TSHZ2: variants seen among roughly 807,000 people sequenced by gnomAD.
The protein encoded by TSHZ2 is teashirt homolog 2.
A neutral mutation model predicts 74.4 loss-of-function variants in TSHZ2; 21 were observed. The observed-to-expected ratio is 0.28, with a 90% CI of 0.20 to 0.41. The LOEUF (loss-of-function observed/expected upper bound fraction) is 0.41, where lower values mean the gene tolerates loss of function less well. Among genes scored for constraint, TSHZ2 ranks in the 10% least tolerant of loss-of-function variants. The pLI, the probability that TSHZ2 is intolerant of heterozygous loss-of-function variation, is 1.00. For missense variants in TSHZ2, 1,244 were observed against 1,293.5 expected (o/e 0.96, Z 0.59); for synonymous variants, 540 against 515.3 (o/e 1.05, Z -0.65).
At chr20:53,361,257 A>G (rs1485559203) in intron 2 of TSHZ2, among the ~76,000 whole-genome samples, 1 of 152,258 alleles carries the variant, frequency 6.6e-6, no homozygotes, top group Non-Finnish European at 1.5e-5. Flanking sequence ...TGCTGGGTCA[A>G]GAAAGAATGA....
chr20:53,159,775 A>G (rs186727985), intron 1 of TSHZ2, among the ~76,000 whole-genome samples: 1 of 152,048 alleles, frequency 6.6e-6, no homozygotes. Flanking sequence ...TTATTCATTC[A>G]TTTTTTTCAT....
At chr20:53,335,962 C>A (rs200603) in intron 2 of TSHZ2, among the ~76,000 whole-genome samples, 1 of 151,986 alleles carries the variant, frequency 6.6e-6, no homozygotes, top group Non-Finnish European at 1.5e-5. Flanking sequence ...AGGATATTAA[C>A]GAGTCTGGTT....
intron 2 of TSHZ2, among the ~76,000 whole-genome samples, chr20:53,268,675 C>A (rs780268153): frequency 6.6e-6 from 1 of 151,914 alleles, no homozygotes; most frequent in Non-Finnish European, 1.5e-5. Context: ...TCTTGGATGG[C>A]TATTTAATTT....
intron 2 of TSHZ2, among the ~76,000 whole-genome samples, chr20:53,418,291 G>A (rs571290674): frequency 4.6e-5 from 7 of 152,142 alleles, no homozygotes; most frequent in Non-Finnish European, 1.0e-4. Flanking sequence ...AAGCCTCTAC[G>A]TGGTCCTGGA....
chr20:53,022,832 T>C (rs1983294880), intron 1 of TSHZ2, among the ~76,000 whole-genome samples: 1 of 152,222 alleles, frequency 6.6e-6, no homozygotes, highest in Non-Finnish European at 1.5e-5. Context: ...CCTAAAGGAT[T>C]GATTGAGATG....
chr20:53,413,417 A>T (rs1188342317), intron 2 of TSHZ2, among the ~76,000 whole-genome samples: 1 of 152,256 alleles, frequency 6.6e-6, no homozygotes, highest in Non-Finnish European at 1.5e-5. Context: ...CCTGAATCCC[A>T]GCACTTTGCG....
At chr20:53,215,017 A>C (rs1989401868) in intron 1 of TSHZ2, among the ~76,000 whole-genome samples, 1 of 152,176 alleles carries the variant, frequency 6.6e-6, no homozygotes, top group Admixed American at 6.5e-5. Flanking sequence ...TCCAATGGAC[A>C]CTGAGATCGG....
At chr20:53,470,735 C>T (rs13433342) in intron 2 of TSHZ2, among the ~76,000 whole-genome samples, 2 of 152,014 alleles carry the variant, frequency 1.3e-5, no homozygotes, top group East Asian at 3.9e-4. Context: ...ATCGCTTGAA[C>T]CCGGGAGGCA....
At chr20:53,109,032 G>A (rs772558629) in intron 1 of TSHZ2, among the ~76,000 whole-genome samples, 3 of 149,316 alleles carry the variant, frequency 2.0e-5, no homozygotes, top group Non-Finnish European at 4.5e-5. Context: ...TATTCCAAAT[G>A]GACCTCTTGA....
intron 1 of TSHZ2, among the ~76,000 whole-genome samples, chr20:53,151,996 T>G (rs977611931): frequency 1.6e-4 from 25 of 152,166 alleles, no homozygotes; most frequent in Non-Finnish European, 3.5e-4. Context: ...TGTTTAGAAC[T>G]GAACTCGAGG....
intron 1 of TSHZ2, among the ~76,000 whole-genome samples, chr20:53,003,699 T>C (rs541869751): frequency 2.6e-5 from 4 of 152,252 alleles, no homozygotes; most frequent in Non-Finnish European, 5.9e-5. Flanking sequence ...TGTGAAGAGT[T>C]CATGACTGAC....
intron 1 of TSHZ2, among the ~76,000 whole-genome samples, chr20:53,102,096 A>C (rs1986233755): frequency 6.6e-6 from 1 of 152,182 alleles, no homozygotes; most frequent in African/African-American, 2.4e-5. Context: ...AATTTCCAGC[A>C]CCTAACTTTC....
chr20:53,012,633 GC>G (rs1023902931), intron 1 of TSHZ2, among the ~76,000 whole-genome samples: 6 of 151,822 alleles, frequency 4.0e-5, no homozygotes, highest in African/African-American at 1.5e-4. Flanking sequence ...TCTTCAACAG[GC>G]CCCCTTTACA....
chr20:53,239,543 A>T (rs184875653), intron 1 of TSHZ2, among the ~76,000 whole-genome samples: 31 of 152,240 alleles, frequency 2.0e-4, no homozygotes, highest in Non-Finnish European at 4.4e-5. Context: ...CAAGAATCAC[A>T]GTTTGATTTG....
At chr20:53,257,687 G>T (rs1990512045) in intron 2 of TSHZ2, among the ~76,000 whole-genome samples, 1 of 152,186 alleles carries the variant, frequency 6.6e-6, no homozygotes, top group Non-Finnish European at 1.5e-5. Context: ...ATGTGTTCAG[G>T]TGGTCCTCCA....
intron 1 of TSHZ2, among the ~76,000 whole-genome samples, chr20:53,191,012 C>T (rs1600732459): frequency 6.6e-6 from 1 of 152,192 alleles, no homozygotes; most frequent in South Asian, 2.1e-4. Context: ...GAAGGTTGAC[C>T]TTCCTGATGG....
At chr20:53,146,162 A>G (rs1170423946) in intron 1 of TSHZ2, among the ~76,000 whole-genome samples, 1 of 152,050 alleles carries the variant, frequency 6.6e-6, no homozygotes, top group Non-Finnish European at 1.5e-5. Context: ...TTTGTGGTCC[A>G]TTTCATATCT....
In TSHZ2 at chr20:53,093,231, C is replaced by G. The variant is rs185511929; in HGVS notation, c.40+119898C>G. Among the ~76,000 whole-genome samples the G allele has an allele frequency of 1.1e-4, 17 of 152,348 alleles. No individual in the cohort carries two copies. In the East Asian group the frequency reaches 3.3e-3, roughly 29 times the overall value. ...AACGAGGAATGCTCAGTGATGAACA[C>G]AGACCTGACCCAGTAAGCACACATC... On this transcript the variant is annotated intron_variant, in intron 1 of 2. Transcript: ENST00000371497.
At chr20:53,473,656 A>G (rs1449838750) in intron 2 of TSHZ2, among the ~76,000 whole-genome samples, 1 of 151,404 alleles carries the variant, frequency 6.6e-6, no homozygotes, top group Admixed American at 6.6e-5. Flanking sequence ...AGCTGGATGG[A>G]GAATGACTTT....
Sources: gnomAD v4.1 joint callset for allele counts (sites outside exome capture counted in the v4.1 genomes callset) on GRCh38, gnomAD v4.1.1 for gene constraint, MANE v1.5 for transcripts, NCBI Gene and HGNC (gene_info 2026-07-23, HGNC 2026-07-21) for gene names.